Variants in EBF2 observed in about 807,000 individuals in gnomAD.
EBF2 encodes EBF transcription factor 2.
In EBF2, 21 loss-of-function variants were observed where a neutral mutation model predicts 72.8. The ratio of observed to expected loss-of-function variants is 0.29; its 90% confidence interval spans 0.20 to 0.42. The LOEUF (loss-of-function observed/expected upper bound fraction) is 0.42. EBF2 is among the 10% of genes least tolerant of loss of function. The pLI, the probability that EBF2 is intolerant of heterozygous loss-of-function variation, is 1.00. For missense variants in EBF2, 637 were observed against 731.2 expected (o/e 0.87, Z 1.49); for synonymous variants, 299 against 274.2 (o/e 1.09, Z -0.89).
At chr8:26,028,032 A>C (rs1007783558) in intron 6 of EBF2, among the ~76,000 whole-genome samples, 4 of 152,164 alleles carry the variant, frequency 2.6e-5, no homozygotes, top group Non-Finnish European at 5.9e-5. Context: ...AGAGTTATAT[A>C]AATGAATGGT....
At chr8:25,856,305 A>G (rs1802089864) in intron 14 of EBF2, among the ~76,000 whole-genome samples, 2 of 152,214 alleles carry the variant, frequency 1.3e-5, no homozygotes. Context: ...CCACTTTTGT[A>G]GATCAAAATG....
chr8:25,969,020 AT>A (rs1804154072), intron 6 of EBF2, among the ~76,000 whole-genome samples: 1 of 152,146 alleles, frequency 6.6e-6, no homozygotes, highest in Non-Finnish European at 1.5e-5. Flanking sequence ...GTAAAAAAAA[AT>A]TTTGATTGAA....
chr8:25,872,928 ACTTTAGGACGTCT>A (rs1225243302), intron 10 of EBF2, among the ~76,000 whole-genome samples: 1 of 152,186 alleles, frequency 6.6e-6, no homozygotes, highest in Non-Finnish European at 1.5e-5. Context: ...CCCTCGTGCC[ACTTTAGGACGTCT>A]CTGTCCTCTT....
In EBF2 at chr8:25,908,570, C is replaced by T. The variant is rs758316545; in HGVS notation, c.552-15G>A. The T allele has an allele frequency of 6.5e-7, 1 of 1,538,840 alleles. No individual in the cohort carries two copies. The highest frequency in any genetic ancestry group is 1.1e-5 in the South Asian group (1 of 88,770). Reference sequence around the variant, plus strand: ...TTAAAAAGAATCTGTGAAGAGAAAGCGATGTGTTACATTTTTCAGTAAACA... The same window carrying T: ...TTAAAAAGAATCTGTGAAGAGAAAGTGATGTGTTACATTTTTCAGTAAACA... On this transcript the variant is annotated splice_polypyrimidine_tract_variant and intron_variant, in intron 6 of 15. Coordinates refer to ENST00000520164, the MANE Select transcript of EBF2 (RefSeq NM_022659.4).
intron 6 of EBF2, among the ~76,000 whole-genome samples, chr8:25,998,307 AGGT>A (rs1156382289): frequency 6.6e-6 from 1 of 152,210 alleles, no homozygotes; most frequent in African/African-American, 2.4e-5. Context: ...TTCAAGCAAT[AGGT>A]GTGAAGGAAA....
In EBF2 at chr8:25,925,141, A is replaced by C. The variant is rs1803365804; in HGVS notation, c.552-16586T>G. Among the ~76,000 whole-genome samples, 5 of 152,050 alleles carry C rather than the reference A, an allele frequency of 3.3e-5. No individual in the cohort carries two copies. In the South Asian group the frequency reaches 1.0e-3, roughly 31 times the overall value. On this transcript the variant is annotated intron_variant, in intron 6 of 15. Coordinates refer to ENST00000520164, the MANE Select transcript of EBF2 (RefSeq NM_022659.4). ...ATTACAGAACCAAGCGGGGCACTAC[A>C]CTCAGGAGCCTGGTGGTATTTTCAC...
intron 6 of EBF2, among the ~76,000 whole-genome samples, chr8:25,919,667 T>C (rs898639753): frequency 3.9e-5 from 6 of 152,198 alleles, no homozygotes. Flanking sequence ...ATAAGCTAGC[T>C]TGGGAGTTGA....
At chr8:25,868,954 A>G (rs555304181) in intron 10 of EBF2, among the ~76,000 whole-genome samples, 1 of 152,040 alleles carries the variant, frequency 6.6e-6, no homozygotes, top group East Asian at 1.9e-4. Context: ...TTTCAAGCTG[A>G]TTTACTATTC....
Position 25,842,021 on chromosome 8 carries a change from A to G in EBF2, c.*2588T>C, listed in dbSNP as rs1801752036. 1.3e-5 allele frequency: 2 copies of G among 152,216 alleles called. No individual in the cohort carries two copies. Among genetic ancestry groups the G allele is most frequent in the Non-Finnish European group, 2.9e-5 (2 of 68,044 alleles). 9.4% of individuals were successfully genotyped at this position (152,216 alleles called of 1,614,324 possible). ...TTGAAATGTGCAAAGAAAAACTGAG[A>G]AGAATTACAACGCTATAACAAAAGA... On this transcript the variant is annotated 3_prime_UTR_variant, in exon 16 of 16. Transcript: ENST00000520164.
At chr8:25,860,791 A>G (rs1802199562) in intron 13 of EBF2, among the ~76,000 whole-genome samples, 1 of 152,210 alleles carries the variant, frequency 6.6e-6, no homozygotes, top group Non-Finnish European at 1.5e-5. Context: ...TGCAGGGATT[A>G]CAGGTGTGAG....
intron 6 of EBF2, among the ~76,000 whole-genome samples, chr8:25,958,147 T>C (rs1408323227): frequency 6.6e-6 from 1 of 152,198 alleles, no homozygotes; most frequent in Non-Finnish European, 1.5e-5. Context: ...AAAGAGGAAC[T>C]GATGGCTGCA....
intron 10 of EBF2, among the ~76,000 whole-genome samples, chr8:25,866,638 T>A (rs867751341): frequency 0.022 from 2,615 of 116,692 alleles, 101 homozygotes; most frequent in African/African-American, 0.097. Flanking sequence ...TATATATATT[T>A]TTTTTTTTTT....
intron 6 of EBF2, among the ~76,000 whole-genome samples, chr8:25,964,431 T>C (rs1033830452): frequency 2.0e-5 from 3 of 152,156 alleles, no homozygotes; most frequent in African/African-American, 7.2e-5. Flanking sequence ...AGACCTGGAA[T>C]ATTTCATGGA....
At position 26,042,098 on chromosome 8, in the gene EBF2, G is replaced by C. The variant is rs1362513818; in HGVS notation, c.285C>G (p.Asp95Glu). Residue 95 changes from aspartate to glutamate, a missense_variant, in exon 2 of 16, where the codon GAC becomes GAG. By Grantham distance (45) the Asp-to-Glu change is conservative. Coordinates refer to ENST00000520164, the MANE Select transcript of EBF2 (RefSeq NM_022659.4). ...TTGGGGGGTACTTTCCGCTTACTTT[G>C]TCATTCTCCACAAAGTCCACGAAGG... The part of the protein sequence containing the change: ...RTAFVDFVEN[D>E]KEQGNEKTNN... 6.2e-7 allele frequency: 1 copy of C among 1,613,560 alleles called. No homozygotes were observed. The highest frequency in any genetic ancestry group is 8.5e-7 in the Non-Finnish European group (1 of 1,179,528).
At chr8:25,990,759 G>A (rs1463031994) in intron 6 of EBF2, among the ~76,000 whole-genome samples, 6 of 152,142 alleles carry the variant, frequency 3.9e-5, no homozygotes, top group African/African-American at 9.7e-5. Context: ...CATATGCTAC[G>A]CGATGTTGTT....
chr8:25,953,214 C>T (rs994795769), intron 6 of EBF2, among the ~76,000 whole-genome samples: 4 of 152,196 alleles, frequency 2.6e-5, no homozygotes, highest in African/African-American at 9.6e-5. Flanking sequence ...GCCTCGTTTA[C>T]TTAGCTGTTC....
chr8:25,962,472 T>C (rs1804050175), intron 6 of EBF2, among the ~76,000 whole-genome samples: 1 of 152,008 alleles, frequency 6.6e-6, no homozygotes, highest in South Asian at 2.1e-4. Flanking sequence ...ATCTAGCCTC[T>C]GAACCTAAAG....
At chr8:25,941,604 G>A (rs1371027469) in intron 6 of EBF2, among the ~76,000 whole-genome samples, 1 of 152,124 alleles carries the variant, frequency 6.6e-6, no homozygotes, top group Non-Finnish European at 1.5e-5. Flanking sequence ...AAAAGAAGGT[G>A]CAATGGGAAC....
intron 6 of EBF2, among the ~76,000 whole-genome samples, chr8:25,995,316 A>G (rs537036457): frequency 6.6e-6 from 1 of 152,348 alleles, no homozygotes; most frequent in East Asian, 1.9e-4. Flanking sequence ...CAAAAAATAG[A>G]AATAAAAATA....
Sources: allele counts gnomAD v4.1 joint callset (sites outside exome capture counted in the v4.1 genomes callset), GRCh38; gene constraint gnomAD v4.1.1; transcripts MANE v1.5; gene names NCBI Gene and HGNC (gene_info 2026-07-23, HGNC 2026-07-21).